LRRIQ3: variants seen among roughly 807,000 people sequenced by gnomAD.
The protein encoded by LRRIQ3 is leucine rich repeats and IQ motif containing 3.
A neutral mutation model predicts 59.3 loss-of-function variants in LRRIQ3; 75 were observed. The observed-to-expected ratio is 1.26, with a 90% confidence interval of 1.05 to 1.53. The LOEUF is 1.53. Ranked by LOEUF, LRRIQ3 falls within the 40% of genes most tolerant of loss-of-function variation. The probability of loss-of-function intolerance (pLI) is 0.00; values close to 1 mark genes in which losing one functional copy is unlikely to be tolerated. For synonymous variants in LRRIQ3, 250 were observed against 231.3 expected, an observed-to-expected ratio of 1.08 and a Z score of -0.73; for missense variants, 831 against 710.0, an observed-to-expected ratio of 1.17 and a Z score of -1.94.
intron 7 of LRRIQ3, among the ~76,000 whole-genome samples, chr1:74,034,270 G>A (rs1393832856): frequency 6.6e-6 from 1 of 151,940 alleles, no homozygotes; most frequent in African/African-American, 2.4e-5. Context: ...TCTTCTTTCT[G>A]TATATTGATA....
chr1:74,028,705 T>C (rs915106912), intron 7 of LRRIQ3, among the ~76,000 whole-genome samples: 5 of 151,346 alleles, frequency 3.3e-5, no homozygotes, highest in Non-Finnish European at 7.4e-5. Context: ...AAGTTGTCTC[T>C]GTATTATTTT....
At chr1:74,092,463 A>G (rs1322808719) in intron 5 of LRRIQ3, among the ~76,000 whole-genome samples, 1 of 152,012 alleles carries the variant, frequency 6.6e-6, no homozygotes, top group Non-Finnish European at 1.5e-5. Context: ...AGTGATAAGG[A>G]CTCAAGATAT....
intron 6 of LRRIQ3, among the ~76,000 whole-genome samples, chr1:74,045,608 C>T (rs868474069): frequency 1.3e-4 from 20 of 152,032 alleles, no homozygotes; most frequent in Non-Finnish European, 1.9e-4. Context: ...AAGTTCTGGC[C>T]AGGGCAATCA....
intron 3 of LRRIQ3, among the ~76,000 whole-genome samples, chr1:74,170,799 C>T (rs567962080): frequency 2.0e-5 from 3 of 152,088 alleles, no homozygotes; most frequent in African/African-American, 7.2e-5. Flanking sequence ...TTTTTTAGTC[C>T]ATGAACCCAG....
At chr1:74,190,052 C>A (rs1338098975) in intron 1 of LRRIQ3, among the ~76,000 whole-genome samples, 1 of 152,096 alleles carries the variant, frequency 6.6e-6, no homozygotes, top group African/African-American at 2.4e-5. Flanking sequence ...CCTAACAACA[C>A]ATTAGAAAGC....
At chr1:74,065,827 T>G (rs1934729) in intron 6 of LRRIQ3, among the ~76,000 whole-genome samples, 123,853 of 152,010 alleles carry the variant, frequency 0.81, 52,455 homozygotes, top group East Asian at 0.97. Flanking sequence ...GATAGCCCCT[T>G]AAAAAGCTAA....
At chr1:74,127,596 A>G (rs962232712) in intron 4 of LRRIQ3, among the ~76,000 whole-genome samples, 29 of 151,916 alleles carry the variant, frequency 1.9e-4, no homozygotes, top group African/African-American at 6.8e-4. Context: ...GAGAATTGTA[A>G]TAAAAATTCG....
intron 3 of LRRIQ3, among the ~76,000 whole-genome samples, chr1:74,162,981 C>T (rs902072411): frequency 2.0e-5 from 3 of 151,338 alleles, no homozygotes; most frequent in African/African-American, 7.3e-5. Context: ...TTTTAGATAG[C>T]TAGAAGGAAG....
intron 6 of LRRIQ3, among the ~76,000 whole-genome samples, chr1:74,046,859 T>A (rs1370482144): frequency 6.6e-6 from 1 of 152,216 alleles, no homozygotes; most frequent in Non-Finnish European, 1.5e-5. Context: ...AAGCTCATCA[T>A]CTTTGGTCAT....
intron 5 of LRRIQ3, chr1:74,078,714 A>G (rs1646237135): frequency 6.6e-6 from 1 of 151,770 alleles, no homozygotes; most frequent in Non-Finnish European, 1.5e-5. Context: ...ATGATTTTGG[A>G]TAACCTGGAA....
At chr1:74,063,671 T>C (rs1488745896) in intron 6 of LRRIQ3, among the ~76,000 whole-genome samples, 1 of 152,084 alleles carries the variant, frequency 6.6e-6, no homozygotes, top group African/African-American at 2.4e-5. Flanking sequence ...CACTGTTTTT[T>C]CATTTTAATT....
chr1:74,184,499 C>T (rs545924720), intron 1 of LRRIQ3, among the ~76,000 whole-genome samples: 8 of 152,194 alleles, frequency 5.3e-5, no homozygotes, highest in East Asian at 1.9e-4. Context: ...TCGATTTCTA[C>T]GATGTGCAGA....
intron 3 of LRRIQ3, among the ~76,000 whole-genome samples, chr1:74,159,306 T>C (rs771154185): frequency 6.6e-6 from 1 of 152,160 alleles, no homozygotes; most frequent in African/African-American, 2.4e-5. Context: ...CAATCATTGG[T>C]GTATCTTCTC....
At chr1:74,131,358 C>T (rs568272217) in intron 4 of LRRIQ3, among the ~76,000 whole-genome samples, 94 of 152,218 alleles carry the variant, frequency 6.2e-4, no homozygotes, top group Admixed American at 2.7e-3. Flanking sequence ...AGAGGGAATC[C>T]TCCCTAACTC....
At chr1:74,152,496 G>A (rs1228908004) in intron 4 of LRRIQ3, among the ~76,000 whole-genome samples, 2 of 152,050 alleles carry the variant, frequency 1.3e-5, no homozygotes, top group Non-Finnish European at 2.9e-5. Flanking sequence ...ACTATTTTGT[G>A]TATATTGTAG....
intron 6 of LRRIQ3, among the ~76,000 whole-genome samples, chr1:74,070,636 A>G (rs967316624): frequency 5.3e-5 from 8 of 151,956 alleles, no homozygotes; most frequent in African/African-American, 1.9e-4. Flanking sequence ...AATGATATAT[A>G]TATGTATATA....
intron 2 of LRRIQ3, 98 bp downstream of exon 2, chr1:74,183,338 G>T (rs562553752): frequency 9.0e-4 from 959 of 1,065,362 alleles, no homozygotes; most frequent in Non-Finnish European, 1.2e-3. Flanking sequence ...TTAGACAAAA[G>T]ACCATGTTGA....
intron 4 of LRRIQ3, among the ~76,000 whole-genome samples, chr1:74,139,944 C>T (rs979600724): frequency 6.6e-6 from 1 of 151,536 alleles, no homozygotes; most frequent in Non-Finnish European, 1.5e-5. Flanking sequence ...AGTGTATCTT[C>T]CAAAACAGTA....
At chr1:74,155,635 G>A in intron 4 of LRRIQ3, 98 bp downstream of exon 4, 1 of 1,097,636 alleles carries the variant, frequency 9.1e-7, no homozygotes, top group Non-Finnish European at 1.3e-6. Context: ...TAATGATAGA[G>A]AATACAAAAA....
Sources: allele counts gnomAD v4.1 joint callset (sites outside exome capture counted in the v4.1 genomes callset), GRCh38; gene constraint gnomAD v4.1.1; transcripts MANE v1.5; gene names NCBI Gene and HGNC (gene_info 2026-07-23, HGNC 2026-07-21).